Variants in PER2 observed in about 807,000 individuals in gnomAD.
PER2 encodes period circadian regulator 2.
A neutral mutation model predicts 121.0 loss-of-function variants in PER2; 66 were observed. The observed-to-expected ratio is 0.55, with a 90% CI of 0.45 to 0.67. The LOEUF is 0.67. Among genes scored for constraint, PER2 ranks in the 30% least tolerant of loss-of-function variants. PER2 has a pLI of 0.00. For synonymous variants in PER2, 684 were observed against 659.9 expected (o/e 1.04, Z -0.56); for missense variants, 1,521 against 1,635.0 (o/e 0.93, Z 1.20).
the PER2 span, among the ~76,000 whole-genome samples, chr2:238,295,223 G>GTTGTTC: frequency 0.015 from 2,250 of 151,984 alleles, 67 homozygotes; most frequent in African/African-American, 0.052. Context: ...TGTTGTTGTT[G>GTTGTTC]TTCTTCTTCT....
chr2:238,249,573 G>C (rs1341426869), intron 21 of PER2, among the ~76,000 whole-genome samples: 1 of 152,204 alleles, frequency 6.6e-6, no homozygotes, highest in Non-Finnish European at 1.5e-5. Flanking sequence ...CTGGACTACA[G>C]CTGCCCTGGA....
rs768688406 is a variant in PER2, at chr2:238,273,215, C to T, written c.449-24G>A. ...GGCTGCAGGAGAGACAGTGTTCACT[C>T]AGTGGGCAGAACCCAGCGCTTGGCC... is the stretch of plus-strand genomic sequence containing the variant. On this transcript the variant is annotated intron_variant, in intron 4 of 22. Coordinates refer to ENST00000254657, the MANE Select transcript of PER2 (RefSeq NM_022817.3). 5.6e-6 allele frequency: 9 copies of T among 1,611,596 alleles called. No individual in the cohort carries two copies. The Admixed American group carries it at 8.4e-5, about 15-fold the overall frequency.
chr2:238,246,805 G>A (rs951509385), intron 22 of PER2, among the ~76,000 whole-genome samples: 10 of 152,334 alleles, frequency 6.6e-5, no homozygotes, highest in Non-Finnish European at 7.3e-5. Flanking sequence ...GAACCCTGGA[G>A]GCAGAGCTTG....
chr2:238,298,064 G>C, the PER2 span, among the ~76,000 whole-genome samples: 1 of 133,320 alleles, frequency 7.5e-6, no homozygotes, highest in African/African-American at 2.8e-5. Flanking sequence ...ACGGAGTCTC[G>C]CTCTGTCCCC....
In PER2 at chr2:238,244,171, T is replaced by C. The variant is rs1695383470; in HGVS notation, c.*2204A>G. ...GGTTTGCACACAAACAAACCACTTG[T>C]CCAGCAAGGCTCAACAAATCATCAC... On this transcript the variant is annotated 3_prime_UTR_variant, in exon 23 of 23. Coordinates refer to ENST00000254657, the MANE Select transcript of PER2 (RefSeq NM_022817.3). 6.6e-6 allele frequency: 1 copy of C among 152,546 alleles called. No homozygotes were observed. The highest frequency in any genetic ancestry group is 1.5e-5 in the Non-Finnish European group (1 of 68,042). The allele number at this position is 152,546 out of a possible 1,614,324, so 9.4% of individuals were successfully genotyped here.
chr2:238,297,069 G>A, the PER2 span, among the ~76,000 whole-genome samples: 1 of 152,192 alleles, frequency 6.6e-6, no homozygotes. Flanking sequence ...CCCAAAAGGG[G>A]TTCAGATCTC....
intron 6 of PER2, among the ~76,000 whole-genome samples, chr2:238,270,201 T>C (rs1429976326): frequency 6.6e-6 from 1 of 152,246 alleles, no homozygotes; most frequent in Non-Finnish European, 1.5e-5. Flanking sequence ...AAACATTTCA[T>C]GCTACATATT....
intron 9 of PER2, among the ~76,000 whole-genome samples, chr2:238,264,731 C>T (rs1013423572): frequency 2.0e-5 from 3 of 152,082 alleles, no homozygotes; most frequent in East Asian, 1.9e-4. Context: ...CTCAGTGATC[C>T]CCCTGCCTCA....
intron 3 of PER2, among the ~76,000 whole-genome samples, chr2:238,276,373 A>G (rs1696456479): frequency 6.6e-6 from 1 of 152,242 alleles, no homozygotes; most frequent in South Asian, 2.1e-4. Flanking sequence ...ACCCAACTGA[A>G]TGCTGGAGAA....
At chr2:238,271,986 C>T (rs1372888384) in intron 5 of PER2, among the ~76,000 whole-genome samples, 1 of 152,148 alleles carries the variant, frequency 6.6e-6, no homozygotes, top group Non-Finnish European at 1.5e-5. Context: ...GTGATAAGCC[C>T]CCTCACCCTA....
Position 238,258,456 on chromosome 2 carries a change from T to C in PER2, c.1775+41A>G, listed in dbSNP as rs141136154. 338 of 1,613,836 alleles carry C rather than the reference T, an allele frequency of 2.1e-4. 5 individuals are homozygous for C. Among genetic ancestry groups the C allele is most frequent in the South Asian group, 2.0e-3 (180 of 91,064 alleles). On this transcript the variant is annotated intron_variant, in intron 15 of 22. Transcript: ENST00000254657. ...CCACACAACATGAGAGGAGGGAAGGTGTGTGAGATGGTGGAGACTCGGCTG... is the reference window on the plus strand; with the variant it reads ...CCACACAACATGAGAGGAGGGAAGGCGTGTGAGATGGTGGAGACTCGGCTG...
intron 1 of PER2, among the ~76,000 whole-genome samples, chr2:238,283,834 C>T (rs1222409995): frequency 1.3e-5 from 2 of 152,320 alleles, no homozygotes; most frequent in Non-Finnish European, 1.5e-5. Flanking sequence ...CTGGACACCA[C>T]CCATCTCATC....
At position 238,260,002 on chromosome 2, in the gene PER2, C is replaced by A; in HGVS notation, c.1594G>T (p.Glu532Ter). Residue 532 changes from glutamate (E) to a stop codon, truncating the protein, a stop_gained, in exon 14 of 23, where the codon GAA becomes TAA. Transcript: ENST00000254657. LOFTEE classifies it high-confidence loss of function. The stretch of plus-strand genomic sequence containing the variant: ...GATTTTTTCTTTTGTTCTCCAGATT[C>A]ATGAGAATAATGACTTCTATTTTTG... ...KTKNRSHYSH[E>*]SGEQKKKSVT... 6.6e-7 allele frequency: 1 copy of A among 1,509,470 alleles called. No individual in the cohort carries two copies. Among genetic ancestry groups the A allele is most frequent in the South Asian group, 1.2e-5 (1 of 86,746 alleles). The allele number at this position is 1,509,470 out of a possible 1,614,324, so 93.5% of individuals were successfully genotyped here.
chr2:238,297,917 C>T, the PER2 span, among the ~76,000 whole-genome samples: 8 of 152,288 alleles, frequency 5.3e-5, no homozygotes, highest in Admixed American at 2.0e-4. Context: ...TGGCTTGCCT[C>T]GTGTGGCTCA....
At chr2:238,290,288 C>T (rs1036356638), upstream of PER2, among the ~76,000 whole-genome samples, 2 of 152,156 alleles carry the variant, frequency 1.3e-5, no homozygotes, top group East Asian at 3.9e-4. Context: ...ACACTCCCCG[C>T]CCCCTCTCCC....
intron 13 of PER2, 35 bp from the exon 14 acceptor site, chr2:238,260,088 C>T: frequency 1.1e-6 from 1 of 889,204 alleles, no homozygotes; most frequent in Non-Finnish European, 1.8e-6. Context: ...ATTATTCATT[C>T]TAGGAGACCT....
chr2:238,270,484 A>G (rs1303082506), intron 6 of PER2, among the ~76,000 whole-genome samples: 1 of 151,872 alleles, frequency 6.6e-6, no homozygotes, highest in African/African-American at 2.4e-5. Context: ...AAAAGAAATT[A>G]GGAAAGTAGA....
chr2:238,252,392 C>G lies in PER2; in HGVS notation c.3111+520G>C, dbSNP rs1417056836. Among the ~76,000 whole-genome samples the G allele has an allele frequency of 6.6e-6, 1 of 152,228 alleles. No individual in the cohort carries two copies. The highest frequency in any genetic ancestry group is 1.5e-5 in the Non-Finnish European group (1 of 68,048). ...ACTTGAGCTCGTTCAGAAACACAAG[C>G]GTTTAACTGCAAATACAACTACCGT... On this transcript the variant is annotated intron_variant, in intron 19 of 22. Transcript: ENST00000254657. This position sits in a 1 kb window ranked among gnomAD's most constrained non-coding sequence, Gnocchi z 4.2.
At chr2:238,259,625 A>G (rs1695866286) in intron 14 of PER2, among the ~76,000 whole-genome samples, 1 of 152,244 alleles carries the variant, frequency 6.6e-6, no homozygotes, top group South Asian at 2.1e-4. Context: ...CAGCAAGAAC[A>G]AGCGGCCCAG....
Sources: gnomAD v4.1 joint callset for allele counts (sites outside exome capture counted in the v4.1 genomes callset) on GRCh38, gnomAD v4.1.1 for gene constraint, Gnocchi (gnomAD v3.1) non-coding constraint, MANE v1.5 for transcripts, NCBI Gene and HGNC (gene_info 2026-07-23, HGNC 2026-07-21) for gene names.